Variants in WLS observed in about 807,000 individuals in gnomAD.
WLS encodes protein wntless homolog.
Under a neutral mutation model 62.8 loss-of-function variants are expected in WLS, and 23 were observed. That is an observed-to-expected ratio of 0.37 (90% CI 0.26 to 0.52). The LOEUF (loss-of-function observed/expected upper bound fraction) is 0.52, where lower values mean the gene tolerates loss of function less well. Ranked by LOEUF, WLS falls within the 20% of genes least tolerant of loss-of-function variation. The probability of loss-of-function intolerance (pLI) is 0.92; values close to 1 mark genes in which losing one functional copy is unlikely to be tolerated. For missense variants in WLS, 615 were observed against 697.3 expected, an observed-to-expected ratio of 0.88 and a Z score of 1.33; for synonymous variants, 246 against 244.1, an observed-to-expected ratio of 1.01 and a Z score of -0.07.
chr1:68,190,942 C>T (rs1474193477), intron 2 of WLS, among the ~76,000 whole-genome samples: 2 of 151,978 alleles, frequency 1.3e-5, no homozygotes, highest in Admixed American at 1.3e-4. Context: ...CCTATAATCC[C>T]AGCTACTCGG....
At chr1:68,098,529 G>A (rs1646036615) in exon 12 of WLS, 5 of 1,481,582 alleles carry the variant, frequency 3.4e-6, no homozygotes, top group Non-Finnish European at 3.6e-6. Flanking sequence ...AACATTTTGA[G>A]ATAAAGGCTA....
At chr1:68,122,098 C>T (rs1158630828), downstream of WLS, among the ~76,000 whole-genome samples, 1 of 152,116 alleles carries the variant, frequency 6.6e-6, no homozygotes. Context: ...ATAGATTCCC[C>T]AATGTTACCA....
intron 2 of WLS, chr1:68,186,416 C>G (rs1647942078): frequency 2.8e-6 from 1 of 352,452 alleles, no homozygotes; most frequent in Non-Finnish European, 5.5e-6. Flanking sequence ...ATTATAAACC[C>G]AAGCTTTAAT....
At chr1:68,168,958 C>T (rs1367446) in intron 2 of WLS, among the ~76,000 whole-genome samples, 12,933 of 152,190 alleles carry the variant, frequency 0.085, 891 homozygotes, top group East Asian at 0.31. Flanking sequence ...TTGGCCCTGG[C>T]GGTTTTCTTA....
At chr1:68,162,514 T>G in intron 2 of WLS, 3 of 1,613,168 alleles carry the variant, frequency 1.9e-6, no homozygotes, top group African/African-American at 1.3e-5. Context: ...TGCAACCGCC[T>G]ACCCCCTGCG....
At chr1:68,173,154 A>G (rs1647179005) in intron 2 of WLS, among the ~76,000 whole-genome samples, 1 of 152,240 alleles carries the variant, frequency 6.6e-6, no homozygotes, top group Admixed American at 6.5e-5. Context: ...GAACCCAATG[A>G]TGAACCAATC....
Position 68,126,225 on chromosome 1 carries a change from C to T in WLS, c.*1G>A. Reference sequence around the variant, plus strand: ...CCGTCCCAGCCGGGCGCTGCAGCCTCCTACTCCTGGGCCTCCTTGCGGGTC... The same window carrying T: ...CCGTCCCAGCCGGGCGCTGCAGCCTTCTACTCCTGGGCCTCCTTGCGGGTC... On this transcript the variant is annotated 3_prime_UTR_variant, in exon 12 of 12. Coordinates refer to ENST00000262348, the MANE Select transcript of WLS (RefSeq NM_024911.7). The T allele has an allele frequency of 1.2e-6, 2 of 1,614,144 alleles. No individual in the cohort carries two copies. Among genetic ancestry groups the T allele is most frequent in the Non-Finnish European group, 8.5e-7 (1 of 1,180,028 alleles).
intron 1 of WLS, among the ~76,000 whole-genome samples, chr1:68,201,400 T>C (rs535184473): frequency 6.6e-6 from 1 of 152,352 alleles, no homozygotes; most frequent in South Asian, 2.1e-4. Context: ...TTTACTGAAA[T>C]TGCTCTGAAG....
intron 11 of WLS, among the ~76,000 whole-genome samples, chr1:68,129,878 AAAAAG>A (rs763743214): frequency 9.9e-5 from 15 of 152,260 alleles, no homozygotes; most frequent in Admixed American, 3.3e-4. Context: ...GTGAGAAAGA[AAAAAG>A]AAAAGAATGC....
chr1:68,167,109 T>C (rs1047612323), intron 2 of WLS, among the ~76,000 whole-genome samples: 3 of 152,200 alleles, frequency 2.0e-5, no homozygotes, highest in African/African-American at 7.2e-5. Context: ...ACGCCTAGAA[T>C]TTCATGATTA....
At chr1:68,171,310 G>A (rs185669822) in intron 2 of WLS, among the ~76,000 whole-genome samples, 1,829 of 152,264 alleles carry the variant, frequency 0.012, 14 homozygotes, top group Non-Finnish European at 0.014. Context: ...AGCCAAAATT[G>A]ACAAATGGGA....
At chr1:68,230,549 C>T (rs1456975780) in intron 1 of WLS, among the ~76,000 whole-genome samples, 4 of 151,066 alleles carry the variant, frequency 2.6e-5, no homozygotes, top group Non-Finnish European at 5.9e-5. Flanking sequence ...CAAACAGAAG[C>T]TCCTAACACA....
chr1:68,119,342 T>A (rs150013022), intron 11 of WLS, among the ~76,000 whole-genome samples: 1 of 152,374 alleles, frequency 6.6e-6, no homozygotes, highest in Non-Finnish European at 1.5e-5. Flanking sequence ...GATAGAGTAA[T>A]TGTAAAATGT....
At chr1:68,213,898 A>T (rs1263305898) in intron 1 of WLS, among the ~76,000 whole-genome samples, 1 of 152,160 alleles carries the variant, frequency 6.6e-6, no homozygotes, top group African/African-American at 2.4e-5. Flanking sequence ...ACAGCCTTCT[A>T]GATGTCCCAA....
At position 68,103,070 on chromosome 1, in the gene WLS, G is replaced by A. The variant is rs553430040; in HGVS notation, c.1511-4317C>T. ...GACCCCAGTGGACCGGAACCTGCAC[G>A]TAGGTCTGCTGCCTCCCTGCCTAGC... On this transcript the variant is annotated intron_variant, in intron 11 of 11. Transcript: ENST00000354777. Among the ~76,000 whole-genome samples, 18 of 152,280 alleles carry A rather than the reference G, an allele frequency of 1.2e-4. No individual in the cohort carries two copies. The South Asian group carries it at 2.5e-3, about 21-fold the overall frequency.
chr1:68,146,130 T>C, intron 8 of WLS, 118 bp from the exon 9 acceptor site: 2 of 1,157,468 alleles, frequency 1.7e-6, no homozygotes, highest in Non-Finnish European at 2.4e-6. Context: ...TGTAGAAAAT[T>C]TTCAAGGGGA....
intron 2 of WLS, among the ~76,000 whole-genome samples, chr1:68,168,932 T>A (rs777549777): frequency 6.6e-6 from 1 of 152,226 alleles, no homozygotes. Flanking sequence ...AAAAATGGAC[T>A]CAGCTAATTA....
intron 2 of WLS, among the ~76,000 whole-genome samples, chr1:68,193,182 G>A (rs1349645670): frequency 6.6e-6 from 1 of 151,470 alleles, no homozygotes; most frequent in Non-Finnish European, 1.5e-5. Context: ...AGACAGAGCT[G>A]CCTTTAACAC....
intron 11 of WLS, among the ~76,000 whole-genome samples, chr1:68,119,862 G>C (rs529153753): frequency 6.6e-6 from 1 of 152,296 alleles, no homozygotes; most frequent in East Asian, 1.9e-4. Flanking sequence ...TCCTATCTTG[G>C]CTGTTCCTGT....
Sources: gnomAD v4.1 joint callset for allele counts (sites outside exome capture counted in the v4.1 genomes callset) on GRCh38, gnomAD v4.1.1 for gene constraint, MANE v1.5 for transcripts, NCBI Gene and HGNC (gene_info 2026-07-23, HGNC 2026-07-21) for gene names.